RAD54L2: variants seen among roughly 807,000 people sequenced by gnomAD.
RAD54L2 encodes the protein helicase ARIP4.
In RAD54L2, 27 loss-of-function variants were observed where a neutral mutation model predicts 138.4. That is an observed-to-expected ratio of 0.20 (90% CI 0.14 to 0.27). RAD54L2 has a LOEUF of 0.27. RAD54L2 is among the 10% of genes least tolerant of loss of function. The pLI, the probability that RAD54L2 is intolerant of heterozygous loss-of-function variation, is 1.00. For synonymous variants in RAD54L2, 644 were observed against 723.2 expected, an observed-to-expected ratio of 0.89 and a Z score of 1.76; for missense variants, 1,396 against 1,890.2, an observed-to-expected ratio of 0.74 and a Z score of 4.85.
At chr3:51,601,609 T>C (rs1289435771) in intron 3 of RAD54L2, among the ~76,000 whole-genome samples, 1 of 151,424 alleles carries the variant, frequency 6.6e-6, no homozygotes, top group Non-Finnish European at 1.5e-5. Context: ...CCCGGGCTAA[T>C]TTTTTATATT....
At chr3:51,584,630 C>CTATATATA (rs139603411) in intron 2 of RAD54L2, among the ~76,000 whole-genome samples, 7 of 140,004 alleles carry the variant, frequency 5.0e-5, no homozygotes, top group African/African-American at 1.8e-4. Context: ...CTCTACAGTA[C>CTATATATA]TATATATATA....
At chr3:51,568,338 A>C (rs1308320763) in intron 2 of RAD54L2, among the ~76,000 whole-genome samples, 1 of 151,946 alleles carries the variant, frequency 6.6e-6, no homozygotes, top group Non-Finnish European at 1.5e-5. Context: ...CCTTTTTTGG[A>C]CTGACATTTT....
chr3:51,544,726 C>G (rs1314598736), intron 2 of RAD54L2, among the ~76,000 whole-genome samples: 1 of 152,160 alleles, frequency 6.6e-6, no homozygotes, highest in Admixed American at 6.5e-5. Context: ...CCTGCCTCAG[C>G]CTCACAAGTA....
intron 3 of RAD54L2, among the ~76,000 whole-genome samples, chr3:51,603,625 ATAAT>A (rs1700121899): frequency 1.3e-5 from 2 of 152,172 alleles, no homozygotes; most frequent in South Asian, 4.1e-4. Context: ...AAATAAATAA[ATAAT>A]AGGGAATCTC....
chr3:51,548,271 C>T lies in RAD54L2; in HGVS notation c.-55+6621C>T, dbSNP rs574024365. Among the ~76,000 whole-genome samples, 6 of 152,258 alleles carry T rather than the reference C, an allele frequency of 3.9e-5. 1 individual carries two copies. In the South Asian group the frequency reaches 8.3e-4, roughly 21 times the overall value. On this transcript the variant is annotated intron_variant, in intron 2 of 22. Coordinates refer to ENST00000684192, the MANE Select transcript of RAD54L2 (RefSeq NM_015106.4). ...TGGCACGATCTCAGCTCACTGCAACCTCTGCCTCCCAGGTTCAGGCGATTC... is the reference window on the plus strand; with the variant it reads ...TGGCACGATCTCAGCTCACTGCAACTTCTGCCTCCCAGGTTCAGGCGATTC...
chr3:51,576,446 A>G (rs951620701), intron 2 of RAD54L2, among the ~76,000 whole-genome samples: 20 of 152,098 alleles, frequency 1.3e-4, no homozygotes, highest in African/African-American at 4.8e-4. Context: ...TTGTACCTCT[A>G]GTAGGATTCG....
chr3:51,625,324 A>G (rs1577434536), intron 3 of RAD54L2, among the ~76,000 whole-genome samples: 1 of 151,994 alleles, frequency 6.6e-6, no homozygotes, highest in African/African-American at 2.4e-5. Flanking sequence ...AGGCTGAGGC[A>G]GGAGAATCGC....
intron 3 of RAD54L2, among the ~76,000 whole-genome samples, chr3:51,599,388 G>A (rs1230102513): frequency 6.6e-6 from 1 of 152,016 alleles, no homozygotes; most frequent in African/African-American, 2.4e-5. Context: ...ATAGGATTAG[G>A]GGCAGAGAGA....
chr3:51,593,154 G>C (rs968917818), intron 3 of RAD54L2, among the ~76,000 whole-genome samples: 12 of 151,962 alleles, frequency 7.9e-5, no homozygotes, highest in African/African-American at 2.4e-4. Context: ...CAGGATTGTT[G>C]GGGGTGGGGT....
At chr3:51,624,209 G>GTTCT (rs1577433689) in intron 3 of RAD54L2, among the ~76,000 whole-genome samples, 1 of 147,088 alleles carries the variant, frequency 6.8e-6, no homozygotes, top group Non-Finnish European at 1.5e-5. Context: ...CATTGTTTTA[G>GTTCT]TTCTTTCTTT....
At chr3:51,659,262 C>T (rs937650920) in intron 21 of RAD54L2, among the ~76,000 whole-genome samples, 9 of 151,826 alleles carry the variant, frequency 5.9e-5, no homozygotes, top group Non-Finnish European at 8.8e-5. Flanking sequence ...CCCACCACCA[C>T]GCCCGGCTAA....
intron 2 of RAD54L2, among the ~76,000 whole-genome samples, chr3:51,562,408 A>AT (rs1286158448): frequency 6.6e-6 from 1 of 151,906 alleles, no homozygotes; most frequent in African/African-American, 2.4e-5. Context: ...ATTTTTGTAT[A>AT]TTTAGTAGAG....
intron 19 of RAD54L2, among the ~76,000 whole-genome samples, chr3:51,653,967 G>A (rs182261302): frequency 2.2e-4 from 33 of 152,214 alleles, no homozygotes; most frequent in Non-Finnish European, 3.4e-4. Flanking sequence ...GACAAATGAG[G>A]TTCCAAAGGA....
At chr3:51,576,422 G>A (rs958452158) in intron 2 of RAD54L2, among the ~76,000 whole-genome samples, 3 of 152,152 alleles carry the variant, frequency 2.0e-5, no homozygotes, top group African/African-American at 7.2e-5. Flanking sequence ...AGAAGGAATG[G>A]TACCAGCTCC....
At chr3:51,659,942 G>T in intron 21 of RAD54L2, 84 bp from the exon 22 acceptor site, 1 of 979,638 alleles carries the variant, frequency 1.0e-6, no homozygotes, top group Non-Finnish European at 1.6e-6. Flanking sequence ...CTATTTACAA[G>T]CCCACGGCGC....
intron 21 of RAD54L2, among the ~76,000 whole-genome samples, chr3:51,658,573 T>C (rs746073008): frequency 5.3e-5 from 8 of 152,220 alleles, no homozygotes; most frequent in Non-Finnish European, 8.8e-5. Flanking sequence ...ACGTCTTCTA[T>C]CCAAGCCTGT....
chr3:51,576,955 C>T (rs1265636093), intron 2 of RAD54L2, among the ~76,000 whole-genome samples: 5 of 152,154 alleles, frequency 3.3e-5, no homozygotes, highest in African/African-American at 4.8e-5. Context: ...AGTTTTAGAT[C>T]TTTCCTGCTT....
chr3:51,549,230 GTGATCCATCTGC>G, intron 2 of RAD54L2, among the ~76,000 whole-genome samples: 1 of 151,978 alleles, frequency 6.6e-6, no homozygotes, highest in East Asian at 1.9e-4. Flanking sequence ...TGGACCTCAG[GTGATCCATCTGC>G]TTTGGACCCT....
chr3:51,585,120 A>G (rs1035540225), intron 2 of RAD54L2, among the ~76,000 whole-genome samples: 1 of 151,582 alleles, frequency 6.6e-6, no homozygotes, highest in African/African-American at 2.4e-5. Context: ...CTGTTTTTCT[A>G]CTCTTAAAAG....
Sources: allele counts gnomAD v4.1 joint callset (sites outside exome capture counted in the v4.1 genomes callset), GRCh38; gene constraint gnomAD v4.1.1; transcripts MANE v1.5; gene names NCBI Gene and HGNC (gene_info 2026-07-23, HGNC 2026-07-21).